RBFOX1: variants seen among roughly 807,000 people sequenced by gnomAD.
The protein encoded by RBFOX1 is RNA binding fox-1 homolog 1, also known as RNA binding protein fox-1 homolog 1.
In RBFOX1, 8 loss-of-function variants were observed where a neutral mutation model predicts 57.7. The observed-to-expected ratio is 0.14, with a 90% CI of 0.08 to 0.25. The LOEUF (loss-of-function observed/expected upper bound fraction) is 0.25, where lower values mean the gene tolerates loss of function less well. Ranked by LOEUF, RBFOX1 falls within the 10% of genes least tolerant of loss-of-function variation. RBFOX1 has a pLI of 1.00. For synonymous variants in RBFOX1, 326 were observed against 222.4 expected, an observed-to-expected ratio of 1.47 and a Z score of -4.15; for missense variants, 611 against 548.5, an observed-to-expected ratio of 1.11 and a Z score of -1.14.
chr16:7,573,640 C>T (rs2093018988), intron 5 of RBFOX1, among the ~76,000 whole-genome samples: 2 of 152,016 alleles, frequency 1.3e-5, no homozygotes, highest in South Asian at 4.1e-4. Flanking sequence ...TTGAGGCCAG[C>T]CTGGCCAACA....
At chr16:7,653,145 CATAT>C (rs2065454277) in intron 11 of RBFOX1, among the ~76,000 whole-genome samples, 1 of 152,184 alleles carries the variant, frequency 6.6e-6, no homozygotes, top group Admixed American at 6.5e-5. Context: ...TACACCTGTA[CATAT>C]ATACATAGGT....
intron 3 of RBFOX1, among the ~76,000 whole-genome samples, chr16:5,696,626 A>G (rs561488550): frequency 6.6e-6 from 1 of 152,296 alleles, no homozygotes; most frequent in South Asian, 2.1e-4. Context: ...CTCTATGTGA[A>G]TTTAAAGATC....
chr16:5,883,974 A>T (rs1056557245), intron 4 of RBFOX1, among the ~76,000 whole-genome samples: 1 of 152,204 alleles, frequency 6.6e-6, no homozygotes, highest in African/African-American at 2.4e-5. Context: ...TAAGCACCTG[A>T]ATGCTGAGAT....
rs542050578 is a variant in RBFOX1 at position 7,550,860 on chromosome 16, G to A, written c.271-28917G>A. Among the ~76,000 whole-genome samples the A allele has an allele frequency of 1.5e-3, 229 of 152,128 alleles. 3 individuals are homozygous for A. The highest frequency in any genetic ancestry group is 4.1e-3 in the South Asian group (20 of 4,824). On this transcript the variant is annotated intron_variant, in intron 5 of 15. Coordinates refer to ENST00000550418, the MANE Select transcript of RBFOX1 (RefSeq NM_018723.4). ...CATAATCCGAACGCTTTGAGAGGCC[G>A]AGGCAGGCGGATCACTTGAGGTCAG...
intron 2 of RBFOX1, among the ~76,000 whole-genome samples, chr16:6,475,250 G>A (rs928464556): frequency 6.6e-6 from 1 of 152,128 alleles, no homozygotes; most frequent in African/African-American, 2.4e-5. Context: ...AAACAATGTT[G>A]GTTGTAATAC....
chr16:6,808,661 CA>C (rs1399771839), intron 3 of RBFOX1, among the ~76,000 whole-genome samples: 1 of 151,884 alleles, frequency 6.6e-6, no homozygotes, highest in Non-Finnish European at 1.5e-5. Context: ...CTTATTTTAC[CA>C]GGCAGAAAAA....
chr16:6,691,433 C>T (rs1005741406), intron 3 of RBFOX1, among the ~76,000 whole-genome samples: 2 of 151,848 alleles, frequency 1.3e-5, no homozygotes, highest in Admixed American at 6.6e-5. Context: ...AATTCTCCTT[C>T]CTCAGTACCT....
At chr16:7,417,718 T>C (rs2149277328) in intron 4 of RBFOX1, among the ~76,000 whole-genome samples, 1 of 152,304 alleles carries the variant, frequency 6.6e-6, no homozygotes, top group South Asian at 2.1e-4. Flanking sequence ...TAATGTGTTC[T>C]CCATCTTTAT....
intron 3 of RBFOX1, among the ~76,000 whole-genome samples, chr16:6,709,979 G>A (rs968572065): frequency 6.6e-6 from 1 of 152,122 alleles, no homozygotes; most frequent in East Asian, 1.9e-4. Flanking sequence ...ACAGCCACCT[G>A]TGCTCAATGT....
chr16:6,514,243 T>G (rs1448327125), intron 2 of RBFOX1, among the ~76,000 whole-genome samples: 4 of 152,192 alleles, frequency 2.6e-5, no homozygotes, highest in Non-Finnish European at 5.9e-5. Flanking sequence ...GAATGCCATT[T>G]GTAGCACACA....
intron 1 of RBFOX1, among the ~76,000 whole-genome samples, chr16:5,327,687 A>G (rs1001669114): frequency 6.6e-6 from 1 of 152,178 alleles, no homozygotes; most frequent in African/African-American, 2.4e-5. Context: ...ATGTAGCAGC[A>G]TCCCCCTCCC....
intron 2 of RBFOX1, among the ~76,000 whole-genome samples, chr16:6,441,382 G>A (rs758905207): frequency 1.6e-4 from 24 of 151,934 alleles, no homozygotes; most frequent in African/African-American, 4.3e-4. Flanking sequence ...TGTCAGCTTC[G>A]TTTTATTTTC....
chr16:7,004,581 C>G (rs1460581337), intron 3 of RBFOX1, among the ~76,000 whole-genome samples: 2 of 152,176 alleles, frequency 1.3e-5, no homozygotes. Flanking sequence ...TTTATTAGTA[C>G]AATGAATTTC....
chr16:6,847,396 G>C (rs1403631566), intron 3 of RBFOX1, among the ~76,000 whole-genome samples: 1 of 152,020 alleles, frequency 6.6e-6, no homozygotes. Flanking sequence ...TTCTGGGGCC[G>C]GGTCTAGGGG....
intron 3 of RBFOX1, among the ~76,000 whole-genome samples, chr16:6,988,621 G>T (rs1330850312): frequency 6.6e-6 from 1 of 151,488 alleles, no homozygotes; most frequent in African/African-American, 2.4e-5. Context: ...CCCCTAGGCT[G>T]GAGTGCAGTG....
chr16:7,648,926 TC>T (rs1255885382), intron 11 of RBFOX1, among the ~76,000 whole-genome samples: 1 of 152,174 alleles, frequency 6.6e-6, no homozygotes, highest in Non-Finnish European at 1.5e-5. Flanking sequence ...GGTTACTTTT[TC>T]CGAGACAGTG....
intron 3 of RBFOX1, among the ~76,000 whole-genome samples, chr16:6,706,008 A>G (rs1006981107): frequency 6.6e-6 from 1 of 152,052 alleles, no homozygotes; most frequent in African/African-American, 2.4e-5. Context: ...AAAGAGCAAG[A>G]CTCTGTCTTA....
At chr16:6,756,526 A>G (rs1213266177) in intron 3 of RBFOX1, among the ~76,000 whole-genome samples, 2 of 152,174 alleles carry the variant, frequency 1.3e-5, no homozygotes, top group Non-Finnish European at 1.5e-5. Context: ...CAGCAAAGAG[A>G]GGATCTGTAG....
intron 1 of RBFOX1, among the ~76,000 whole-genome samples, chr16:6,124,994 G>A (rs909268299): frequency 6.6e-6 from 1 of 152,066 alleles, no homozygotes; most frequent in African/African-American, 2.4e-5. Context: ...TTGAGCCAAC[G>A]CTTTGGAAGC....
Sources: gnomAD v4.1 joint callset for allele counts (sites outside exome capture counted in the v4.1 genomes callset) on GRCh38, gnomAD v4.1.1 for gene constraint, MANE v1.5 for transcripts, NCBI Gene and HGNC (gene_info 2026-07-23, HGNC 2026-07-21) for gene names.